The following ADGRB3 variants were observed in gnomAD, a reference collection of about 807,000 sequenced individuals.
The protein encoded by ADGRB3 is brain-specific angiogenesis inhibitor 3.
A neutral mutation model predicts 193.4 loss-of-function variants in ADGRB3; 37 were observed. That is an observed-to-expected ratio of 0.19 (90% confidence interval 0.15 to 0.25). The LOEUF is 0.25. Ranked by LOEUF, ADGRB3 falls within the 10% of genes least tolerant of loss-of-function variation. The pLI is 1.00. For missense variants in ADGRB3, 1,637 were observed against 1,852.9 expected (o/e 0.88, Z 2.14); for synonymous variants, 690 against 644.2 (o/e 1.07, Z -1.08).
chr6:68,885,395 A>C (rs1315333021), intron 3 of ADGRB3, among the ~76,000 whole-genome samples: 3 of 152,186 alleles, frequency 2.0e-5, no homozygotes, highest in African/African-American at 7.2e-5. Context: ...ATGGGGTACA[A>C]TGTGATGTTT....
intron 16 of ADGRB3, among the ~76,000 whole-genome samples, chr6:69,064,629 G>A (rs1191196638): frequency 1.7e-5 from 2 of 119,750 alleles, no homozygotes; most frequent in Admixed American, 2.0e-4. Context: ...ACAAGTATTG[G>A]GAGAATGTAG....
intron 3 of ADGRB3, among the ~76,000 whole-genome samples, chr6:68,677,545 T>C (rs1769126765): frequency 7.3e-6 from 1 of 136,526 alleles, no homozygotes; most frequent in South Asian, 2.4e-4. Context: ...TTTTGACAGG[T>C]CTCACTCTGT....
chr6:69,324,694 G>A (rs753956661), intron 20 of ADGRB3, among the ~76,000 whole-genome samples, 178 bp from the exon 21 acceptor site: 1 of 151,952 alleles, frequency 6.6e-6, no homozygotes, highest in Non-Finnish European at 1.5e-5. Context: ...TGTAAATACT[G>A]TATAGAGCAT....
intron 17 of ADGRB3, chr6:69,232,581 G>A: frequency 6.5e-7 from 1 of 1,535,684 alleles, no homozygotes; most frequent in Middle Eastern, 1.7e-4. Flanking sequence ...AAATGTCAAG[G>A]ACGTCAGAGG....
chr6:68,885,906 G>T (rs764595719), intron 3 of ADGRB3, among the ~76,000 whole-genome samples: 2 of 152,086 alleles, frequency 1.3e-5, no homozygotes, highest in South Asian at 4.1e-4. Context: ...GCAATAAATA[G>T]CTTATGTAAT....
At chr6:69,179,627 TC>T (rs1775527631) in intron 17 of ADGRB3, among the ~76,000 whole-genome samples, 1 of 152,216 alleles carries the variant, frequency 6.6e-6, no homozygotes, top group Non-Finnish European at 1.5e-5. Flanking sequence ...TTTGTAATTT[TC>T]TCATGTGGTA....
intron 17 of ADGRB3, chr6:69,232,762 C>A: frequency 1.4e-6 from 1 of 740,458 alleles, no homozygotes; most frequent in Non-Finnish European, 2.2e-6. Context: ...GGAAAAATCC[C>A]TAACCAGCAG....
intron 26 of ADGRB3, among the ~76,000 whole-genome samples, chr6:69,343,752 G>A (rs1769028526): frequency 6.6e-6 from 1 of 151,818 alleles, no homozygotes; most frequent in Admixed American, 6.6e-5. Flanking sequence ...CAAAAAAAAA[G>A]AAGCCATCTG....
intron 3 of ADGRB3, among the ~76,000 whole-genome samples, chr6:68,730,689 A>G (rs868352525): frequency 6.6e-6 from 1 of 151,688 alleles, no homozygotes; most frequent in Non-Finnish European, 1.5e-5. Context: ...CAAAGACGGT[A>G]AAACTCAAGA....
chr6:69,011,607 T>C (rs1220130909), intron 11 of ADGRB3, among the ~76,000 whole-genome samples: 6 of 151,904 alleles, frequency 3.9e-5, no homozygotes, highest in African/African-American at 1.2e-4. Context: ...GTAACACACC[T>C]GCACATGTAT....
intron 3 of ADGRB3, among the ~76,000 whole-genome samples, chr6:68,746,382 A>G (rs1766084800): frequency 6.6e-6 from 1 of 151,756 alleles, no homozygotes; most frequent in Non-Finnish European, 1.5e-5. Flanking sequence ...TTTTCTTCTT[A>G]TTGATTCACA....
At chr6:69,237,788 A>G (rs1434516731) in intron 19 of ADGRB3, among the ~76,000 whole-genome samples, 4 of 152,054 alleles carry the variant, frequency 2.6e-5, no homozygotes, top group African/African-American at 7.2e-5. Flanking sequence ...AACTTTTTAT[A>G]TTATATTCCC....
chr6:69,299,059 T>C (rs1767897026), intron 20 of ADGRB3, among the ~76,000 whole-genome samples: 1 of 151,974 alleles, frequency 6.6e-6, no homozygotes, highest in South Asian at 2.1e-4. Flanking sequence ...GCCTGTCTTT[T>C]GGATAAAAGA....
At chr6:68,842,181 T>TA (rs762077934) in intron 3 of ADGRB3, among the ~76,000 whole-genome samples, 59 of 151,708 alleles carry the variant, frequency 3.9e-4, no homozygotes, top group Admixed American at 2.8e-3. Context: ...ATCAAAAATT[T>TA]AAAAATTAAT....
At chr6:69,011,968 G>T (rs1383979696) in intron 11 of ADGRB3, among the ~76,000 whole-genome samples, 1 of 152,058 alleles carries the variant, frequency 6.6e-6, no homozygotes, top group Non-Finnish European at 1.5e-5. Flanking sequence ...ACATTTGTTG[G>T]CCTTGAAGAA....
chr6:68,738,340 G>C (rs989044815), intron 3 of ADGRB3, among the ~76,000 whole-genome samples: 1 of 151,970 alleles, frequency 6.6e-6, no homozygotes, highest in Non-Finnish European at 1.5e-5. Flanking sequence ...GAGCAAAATG[G>C]GGACTGACTG....
chr6:69,348,666 A>C (rs1045394721), intron 26 of ADGRB3, among the ~76,000 whole-genome samples: 1 of 152,044 alleles, frequency 6.6e-6, no homozygotes, highest in Non-Finnish European at 1.5e-5. Context: ...TGCCAAAAAA[A>C]AAAAAGAAGA....
intron 20 of ADGRB3, among the ~76,000 whole-genome samples, chr6:69,258,023 T>A (rs1033429861): frequency 2.0e-5 from 3 of 152,168 alleles, no homozygotes; most frequent in African/African-American, 7.2e-5. Context: ...GGATCCTTGT[T>A]AAGCTTCCAG....
intron 13 of ADGRB3, among the ~76,000 whole-genome samples, chr6:69,043,325 A>G (rs192624553): frequency 1.3e-5 from 2 of 151,082 alleles, no homozygotes; most frequent in African/African-American, 4.9e-5. Context: ...AGAAAGAAAG[A>G]AAGAAAGAGA....
Sources: allele counts gnomAD v4.1 joint callset (sites outside exome capture counted in the v4.1 genomes callset), GRCh38; gene constraint gnomAD v4.1.1; transcripts MANE v1.5; gene names NCBI Gene and HGNC (gene_info 2026-07-23, HGNC 2026-07-21).